Variants in TNPO1 observed in about 807,000 individuals in gnomAD.
TNPO1 encodes the protein transportin-1.
TNPO1 carries 8 observed loss-of-function variants against 119.5 expected under a neutral mutation model. That is an observed-to-expected ratio of 0.07 (90% CI 0.04 to 0.12). The LOEUF is 0.12. Among genes scored for constraint, TNPO1 ranks in the 10% least tolerant of loss-of-function variants. The pLI, the probability that TNPO1 is intolerant of heterozygous loss-of-function variation, is 1.00. For missense variants in TNPO1, 576 were observed against 1,089.8 expected (o/e 0.53, Z 6.64); for synonymous variants, 362 against 363.0 (o/e 1.00, Z 0.03).
intron 4 of TNPO1, among the ~76,000 whole-genome samples, chr5:72,859,991 G>A (rs1049954433): frequency 6.6e-6 from 1 of 152,144 alleles, no homozygotes; most frequent in Non-Finnish European, 1.5e-5. Flanking sequence ...GGATCTTAAT[G>A]GAAGGCTATT....
In TNPO1 at chr5:72,889,809, A is replaced by C; in HGVS notation, c.1553A>C (p.Glu518Ala). 1 of 1,592,774 alleles carries C rather than the reference A, an allele frequency of 6.3e-7. No homozygotes were observed. The highest frequency in any genetic ancestry group is 8.5e-7 in the Non-Finnish European group (1 of 1,172,716). The change falls in exon 14 of 25, where the codon GAG becomes GCG. Residue 518 changes from glutamate (E) to alanine (A), a missense_variant. This residue lies in a region of TNPO1 where 310 missense variants were observed against 583.0 expected (regional missense o/e 0.53). Coordinates refer to ENST00000337273, the MANE Select transcript of TNPO1 (RefSeq NM_002270.4). ...ACSAFATLEE[E>A]ACTELVPYLA... is the part of the protein sequence containing the mutation. Reference sequence around the variant, plus strand: ...AGTGCCTTTGCTACCCTAGAAGAGGAGGCTTGTACAGAACTTGTTCCTTAC... The same window carrying C: ...AGTGCCTTTGCTACCCTAGAAGAGGCGGCTTGTACAGAACTTGTTCCTTAC...
chr5:72,854,058 A>G (rs1220151497), intron 3 of TNPO1, among the ~76,000 whole-genome samples: 1 of 152,224 alleles, frequency 6.6e-6, no homozygotes, highest in South Asian at 2.1e-4. Context: ...TAAAAACAAT[A>G]TACTATATTT....
intron 5 of TNPO1, among the ~76,000 whole-genome samples, chr5:72,865,394 A>T (rs1746803277): frequency 1.5e-5 from 1 of 67,116 alleles, no homozygotes; most frequent in Non-Finnish European, 3.6e-5. Flanking sequence ...GTGACCCGAG[A>T]TGGTGCCACT....
At chr5:72,872,605 T>C (rs371885036) in intron 6 of TNPO1, 34 bp from the exon 7 acceptor site, 45 of 1,472,222 alleles carry the variant, frequency 3.1e-5, no homozygotes, top group East Asian at 4.6e-5. Flanking sequence ...AAAGTTACAA[T>C]GAGCATATGT....
At chr5:72,865,832 A>T (rs889272113) in intron 6 of TNPO1, 103 bp downstream of exon 6, 7 of 1,222,820 alleles carry the variant, frequency 5.7e-6, no homozygotes, top group Admixed American at 2.4e-5. Flanking sequence ...AGATCAAAAG[A>T]TATTGGATGT....
At chr5:72,896,380 T>G (rs1749429272) in intron 18 of TNPO1, 78 bp from the exon 19 acceptor site, 1 of 848,446 alleles carries the variant, frequency 1.2e-6, no homozygotes, top group African/African-American at 1.8e-5. Flanking sequence ...GATTTCTGTT[T>G]CCACCTAGTA....
intron 6 of TNPO1, among the ~76,000 whole-genome samples, chr5:72,868,431 CAAAAAAAAAAAAAAAAA>C (rs200691585): frequency 3.7e-5 from 1 of 27,058 alleles, no homozygotes; most frequent in Non-Finnish European, 7.0e-5. Context: ...GACTCCGTCT[CAAAAAAAAAAAAAAAAA>C]AAAAAAAAAA....
Position 72,880,816 on chromosome 5 carries a change from C to CAAAA in TNPO1, c.921-1636_921-1633dup, listed in dbSNP as rs35726893. On this transcript the variant is annotated intron_variant, in intron 9 of 24. Transcript: ENST00000337273. ...GGGTGACAAGAGCAAGACTCCATCT[C>CAAAA]AAAAAAAAAAAAAAAAAACCTCATT... 1.3e-3 allele frequency among the ~76,000 whole-genome samples: 131 copies of CAAAA among 101,106 alleles called. 1 individual carries two copies. The highest frequency in any genetic ancestry group is 5.4e-3 in the Admixed American group (49 of 9,016). 66.3% of individuals were successfully genotyped at this position (101,106 alleles called of 152,430 possible). A position where few individuals can be genotyped will look rare whatever the true frequency, so the allele number is the denominator to read the frequency against.
At chr5:72,883,805 G>A (rs1288278411) in intron 11 of TNPO1, among the ~76,000 whole-genome samples, 3 of 151,996 alleles carry the variant, frequency 2.0e-5, no homozygotes, top group South Asian at 4.1e-4. Context: ...ATGCAGTGGC[G>A]CAGTCATGGC....
chr5:72,829,646 T>G (rs60645535), intron 1 of TNPO1, among the ~76,000 whole-genome samples: 26,491 of 152,140 alleles, frequency 0.17, 2,541 homozygotes, highest in African/African-American at 0.25. Context: ...TGTCTAAATG[T>G]TTTACTTCTA....
At chr5:72,878,988 TTTG>T (rs1456186658) in intron 9 of TNPO1, 2 of 458,620 alleles carry the variant, frequency 4.4e-6, no homozygotes, top group African/African-American at 4.1e-5. Flanking sequence ...TTACTCTGGC[TTTG>T]TTTAGTTTGC....
intron 11 of TNPO1, 63 bp from the exon 12 acceptor site, chr5:72,887,007 C>A: frequency 5.2e-6 from 7 of 1,342,050 alleles, no homozygotes; most frequent in South Asian, 3.3e-5. Context: ...GTTACATATA[C>A]AATAAATAAT....
intron 7 of TNPO1, among the ~76,000 whole-genome samples, chr5:72,875,018 A>T (rs1359342586): frequency 2.0e-5 from 3 of 152,186 alleles, no homozygotes; most frequent in African/African-American, 4.8e-5. Context: ...CAAGTTACTT[A>T]ACTTCTATTA....
rs1015451943 is a variant in TNPO1 at position 72,913,883 on chromosome 5, A to G, written c.*5210A>G. ...CTGTATAATTAGTTTTACTTAATAG[A>G]TTATCATCTTGTGAGAAGAGATGTT... On this transcript the variant is annotated 3_prime_UTR_variant, in exon 25 of 25. Coordinates refer to ENST00000337273, the MANE Select transcript of TNPO1 (RefSeq NM_002270.4). The G allele has an allele frequency of 6.6e-6, 1 of 152,508 alleles. No homozygotes were observed. Among genetic ancestry groups the G allele is most frequent in the Non-Finnish European group, 1.5e-5 (1 of 67,986 alleles). 9.4% of individuals were successfully genotyped at this position (152,508 alleles called of 1,614,324 possible). A position where few individuals can be genotyped will look rare whatever the true frequency, so the allele number is the denominator to read the frequency against.
At chr5:72,816,934 C>G in intron 1 of TNPO1, 182 bp downstream of exon 1, 1 of 655,794 alleles carries the variant, frequency 1.5e-6, no homozygotes, top group Non-Finnish European at 2.4e-6. Context: ...GCTGCCCGCC[C>G]AGGCGCCCTG....
chr5:72,847,425 TG>T (rs1207622903), intron 1 of TNPO1, among the ~76,000 whole-genome samples: 1 of 152,246 alleles, frequency 6.6e-6, no homozygotes, highest in East Asian at 1.9e-4. Context: ...CCTATATTCG[TG>T]TCTCAGTCTT....
intron 1 of TNPO1, among the ~76,000 whole-genome samples, chr5:72,830,202 C>T (rs1199402229): frequency 1.3e-5 from 2 of 152,092 alleles, no homozygotes; most frequent in African/African-American, 4.8e-5. Flanking sequence ...ACCTTACATC[C>T]TAATGGGCTA....
chr5:72,843,455 G>A (rs992299945), intron 1 of TNPO1, among the ~76,000 whole-genome samples: 3 of 151,828 alleles, frequency 2.0e-5, no homozygotes, highest in Admixed American at 6.6e-5. Flanking sequence ...TTAACCGAGC[G>A]TGCTAGCACA....
In TNPO1 at chr5:72,909,120, CTT is replaced by C. The variant is rs35315909; in HGVS notation, c.*461_*462del. On this transcript the variant is annotated 3_prime_UTR_variant, in exon 25 of 25. Transcript: ENST00000337273. ...ATGGGAGTTACAAATAGTAAAGAAG[CTT>C]TTTTTTTTTTTTTAATTTAAAGTTT... The C allele has an allele frequency of 0.026, 3,749 of 145,240 alleles. 67 individuals carry two copies. Among genetic ancestry groups the C allele is most frequent in the Middle Eastern group, 0.056 (16 of 284 alleles). 9.0% of individuals were successfully genotyped at this position (145,240 alleles called of 1,614,324 possible).
Sources: allele counts gnomAD v4.1 joint callset (sites outside exome capture counted in the v4.1 genomes callset), GRCh38; gene constraint gnomAD v4.1.1; regional missense constraint gnomAD v4.1.1; transcripts MANE v1.5; gene names NCBI Gene and HGNC (gene_info 2026-07-23, HGNC 2026-07-21).